The following TNFRSF1B variants were observed in gnomAD, a reference collection of about 807,000 sequenced individuals.
TNFRSF1B encodes TNF receptor superfamily member 1B.
TNFRSF1B carries 19 observed loss-of-function variants against 44.6 expected under a neutral mutation model. That is an observed-to-expected ratio of 0.43 (90% CI 0.30 to 0.62). TNFRSF1B has a LOEUF of 0.62. Ranked by LOEUF, TNFRSF1B falls within the 20% of genes least tolerant of loss-of-function variation. The pLI, the probability that TNFRSF1B is intolerant of heterozygous loss-of-function variation, is 0.16. For missense variants in TNFRSF1B, 541 were observed against 619.9 expected (o/e 0.87, Z 1.35); for synonymous variants, 252 against 261.1 (o/e 0.97, Z 0.34).
At chr1:12,188,748 A>G in intron 1 of TNFRSF1B, 48 bp from the exon 2 acceptor site, 1 of 1,574,210 alleles carries the variant, frequency 6.4e-7, no homozygotes, top group Non-Finnish European at 8.7e-7. Flanking sequence ...GGCATGGCAG[A>G]ACCCAGGGGC....
At chr1:12,190,037 TGGTAAGGA>T (rs949082337) in intron 2 of TNFRSF1B, among the ~76,000 whole-genome samples, 2 of 152,032 alleles carry the variant, frequency 1.3e-5, no homozygotes, top group Non-Finnish European at 2.9e-5. Context: ...GCAGGGACCA[TGGTAAGGA>T]GTTTAGATTT....
In TNFRSF1B at chr1:12,207,165, C is replaced by T; in HGVS notation, c.*145C>T. 1 of 812,052 alleles carries T rather than the reference C, an allele frequency of 1.2e-6. No homozygotes were observed. Among genetic ancestry groups the T allele is most frequent in the Non-Finnish European group, 1.8e-6 (1 of 557,412 alleles). The allele number at this position is 812,052 out of a possible 1,614,324, so 50.3% of individuals were successfully genotyped here. Reference sequence around the variant, plus strand: ...CAAGTTCCTCTAGTGCCCTCCACAGCCGCAGCCTCCCTCTGACCTGCAGGC... The same window carrying T: ...CAAGTTCCTCTAGTGCCCTCCACAGTCGCAGCCTCCCTCTGACCTGCAGGC... On this transcript the variant is annotated 3_prime_UTR_variant, in exon 10 of 10. Transcript: ENST00000376259.
At chr1:12,172,164 G>A (rs1638537311) in intron 1 of TNFRSF1B, among the ~76,000 whole-genome samples, 1 of 152,180 alleles carries the variant, frequency 6.6e-6, no homozygotes, top group South Asian at 2.1e-4. Context: ...GAGGGAAGCT[G>A]GGGTTTGGGG....
intron 5 of TNFRSF1B, 76 bp downstream of exon 5, chr1:12,192,600 A>G: frequency 7.2e-7 from 1 of 1,396,440 alleles, no homozygotes. Context: ...CAGGACACAG[A>G]GCAGCTCACC....
At chr1:12,174,160 T>TCTTCTTCTTCTTCTTCTCCTTCTC (rs1553162433) in intron 1 of TNFRSF1B, among the ~76,000 whole-genome samples, 4 of 67,912 alleles carry the variant, frequency 5.9e-5, no homozygotes, top group East Asian at 8.1e-4. Flanking sequence ...TTCTTCTTCT[T>TCTTCTTCTTCTTCTTCTCCTTCTC]CTTCTCCTTC....
chr1:12,199,626 C>A lies in TNFRSF1B; in HGVS notation c.901-2341C>A, dbSNP rs532094175. The stretch of plus-strand genomic sequence containing the variant: ...GCTGCAGGGATTGGACAGAGAGGAC[C>A]CTGGTACTCGCATCTGTTCTCAGAC... On this transcript the variant is annotated intron_variant, in intron 8 of 9. Transcript: ENST00000376259. The surrounding 1 kb of genome is among the most constrained non-coding windows in gnomAD (Gnocchi z 4.0). Among the ~76,000 whole-genome samples the A allele has an allele frequency of 6.6e-6, 1 of 152,174 alleles. No homozygotes were observed. The highest frequency in any genetic ancestry group is 2.1e-4 in the South Asian group (1 of 4,812).
rs916686961 is a variant in TNFRSF1B, at chr1:12,208,125, C to T, written c.*1105C>T. ...CGACAAAGCCAAACTCTGCCAGCCA[C>T]ATCCAACCCCCCACCTGCCATTTGC... On this transcript the variant is annotated 3_prime_UTR_variant, in exon 10 of 10. Transcript: ENST00000376259. 2.0e-5 allele frequency: 3 copies of T among 153,050 alleles called. No homozygotes were observed. Among genetic ancestry groups the T allele is most frequent in the African/African-American group, 4.8e-5 (2 of 41,452 alleles). The allele number at this position is 153,050 out of a possible 1,614,324, so 9.5% of individuals were successfully genotyped here.
intron 9 of TNFRSF1B, among the ~76,000 whole-genome samples, chr1:12,203,773 A>G (rs1172893142): frequency 6.6e-6 from 1 of 152,080 alleles, no homozygotes; most frequent in Non-Finnish European, 1.5e-5. Flanking sequence ...GCTGGAGTGC[A>G]GTGGCGCAGT....
At chr1:12,183,720 C>CTACCTATCTATCTAT (rs1638889745) in intron 1 of TNFRSF1B, among the ~76,000 whole-genome samples, 37 of 92,202 alleles carry the variant, frequency 4.0e-4, no homozygotes, top group South Asian at 2.9e-3. Context: ...ATTCTATCTA[C>CTACCTATCTATCTAT]CTATCTATCT....
In TNFRSF1B at chr1:12,206,055, C is replaced by T. The variant is rs1014639139; in HGVS notation, c.1106-685C>T. On this transcript the variant is annotated intron_variant, in intron 9 of 9. Coordinates refer to ENST00000376259, the MANE Select transcript of TNFRSF1B (RefSeq NM_001066.3). ...TGGCAGCAATGGGAACTGTGATGAG[C>T]AGGAGAGGTTTTGGATGCGAGATGG... Among the ~76,000 whole-genome samples, 6 of 152,196 alleles carry T rather than the reference C, an allele frequency of 3.9e-5. No homozygotes were observed. In the South Asian group the frequency reaches 6.2e-4, roughly 16 times the overall value.
chr1:12,184,580 G>A (rs571522555), intron 1 of TNFRSF1B, among the ~76,000 whole-genome samples: 24 of 152,312 alleles, frequency 1.6e-4, no homozygotes, highest in Non-Finnish European at 2.9e-4. Context: ...GGAGGTGGGA[G>A]GCCACCACTC....
chr1:12,201,995 G>T lies in TNFRSF1B; in HGVS notation c.929G>T (p.Gly310Val), dbSNP rs373401765. The T allele has an allele frequency of 1.5e-4, 237 of 1,613,032 alleles. 1 individual carries two copies. The highest frequency in any genetic ancestry group is 1.7e-4 in the Non-Finnish European group (203 of 1,179,796). Residue 310 changes from glycine (G) to valine (V), a missense_variant, in exon 9 of 10, where the codon GGT becomes GTT. Physicochemically the swap from Gly to Val is moderately radical, Grantham distance 109. Transcript: ENST00000376259. Reference protein sequence around the residue: ...VPHLPADKARGTQGPEQQHLL... With the variant: ...VPHLPADKARVTQGPEQQHLL... The stretch of plus-strand genomic sequence containing the variant: ...CACTTGCCTGCCGATAAGGCCCGGG[G>T]TACACAGGGCCCCGAGCAGCAGCAC...
At chr1:12,183,764 G>T (rs113299493) in intron 1 of TNFRSF1B, among the ~76,000 whole-genome samples, 4,329 of 98,250 alleles carry the variant, frequency 0.044, 366 homozygotes, top group African/African-American at 0.14. Context: ...TAGCTAGCTA[G>T]CTAGCTATCT....
rs1557629320 is a variant in TNFRSF1B, at chr1:12,183,755, AGC to A, written c.79-5040_79-5039del. Among the ~76,000 whole-genome samples the A allele has an allele frequency of 8.0e-3, 832 of 103,632 alleles. 26 individuals carry two copies. The highest frequency in any genetic ancestry group is 0.019 in the African/African-American group (610 of 31,560). 68.0% of individuals were successfully genotyped at this position (103,632 alleles called of 152,430 possible). Reference sequence around the variant, plus strand: ...TATCTATCTATCTATCTATCTAGCTAGCTAGCTAGCTAGCTATCTATTCTATC... The same window carrying A: ...TATCTATCTATCTATCTATCTAGCTATAGCTAGCTAGCTATCTATTCTATC... On this transcript the variant is annotated intron_variant, in intron 1 of 9. Transcript: ENST00000376259.
chr1:12,174,140 CT>C (rs1389195271), intron 1 of TNFRSF1B, among the ~76,000 whole-genome samples: 4 of 78,660 alleles, frequency 5.1e-5, no homozygotes, highest in Admixed American at 2.5e-4. Flanking sequence ...TCTTCTTCTT[CT>C]TCTTCTTCTT....
chr1:12,167,041 C>G lies in TNFRSF1B; in HGVS notation c.-51C>G, dbSNP rs917445950. 3 of 1,195,178 alleles carry G rather than the reference C, an allele frequency of 2.5e-6. No individual in the cohort carries two copies. The highest frequency in any genetic ancestry group is 3.2e-6 in the Non-Finnish European group (3 of 942,366). The allele number at this position is 1,195,178 out of a possible 1,614,324, so 74.0% of individuals were successfully genotyped here. A position where few individuals can be genotyped will look rare whatever the true frequency, so the allele number is the denominator to read the frequency against. On this transcript the variant is annotated 5_prime_UTR_variant, in exon 1 of 10. Coordinates refer to ENST00000376259, the MANE Select transcript of TNFRSF1B (RefSeq NM_001066.3). Reference sequence around the variant, plus strand: ...AGCCTGGAGAGAAGGCGCTGGGCTGCGAGGGCGCGAGGGCGCGAGGGCAGG... The same window carrying G: ...AGCCTGGAGAGAAGGCGCTGGGCTGGGAGGGCGCGAGGGCGCGAGGGCAGG...
Position 12,199,134 on chromosome 1 carries a change from C to T in TNFRSF1B, c.901-2833C>T, listed in dbSNP as rs1639334570. Among the ~76,000 whole-genome samples the T allele has an allele frequency of 6.6e-6, 1 of 152,168 alleles. No homozygotes were observed. Among genetic ancestry groups the T allele is most frequent in the Non-Finnish European group, 1.5e-5 (1 of 68,034 alleles). On this transcript the variant is annotated intron_variant, in intron 8 of 9. Transcript: ENST00000376259. The surrounding 1 kb of genome is among the most constrained non-coding windows in gnomAD (Gnocchi z 4.0). ...TTGTGGCTTGGGAGGAGGGAGGTGG[C>T]CGTGACCTTTGGGGGTTTTTGTTCT...
chr1:12,194,086 G>A (rs1639212965), intron 7 of TNFRSF1B, 54 bp downstream of exon 7: 8 of 1,455,510 alleles, frequency 5.5e-6, no homozygotes, highest in Non-Finnish European at 5.8e-6. Context: ...CTTTTGTGGG[G>A]TGCCTCCTGT....
intron 1 of TNFRSF1B, 92 bp downstream of exon 1, chr1:12,167,261 G>C: frequency 9.9e-7 from 1 of 1,009,102 alleles, no homozygotes; most frequent in Non-Finnish European, 1.3e-6. Context: ...GCGCTCTCCC[G>C]GGGCGCTGTC....
Sources: gnomAD v4.1 joint callset for allele counts (sites outside exome capture counted in the v4.1 genomes callset) on GRCh38, gnomAD v4.1.1 for gene constraint, Gnocchi (gnomAD v3.1) non-coding constraint, MANE v1.5 for transcripts, NCBI Gene and HGNC (gene_info 2026-07-23, HGNC 2026-07-21) for gene names.